The following PAH variants were observed in gnomAD, a reference collection of about 807,000 sequenced individuals.
PAH encodes the protein phenylalanine-4-hydroxylase.
Under a neutral mutation model 62.0 loss-of-function variants are expected in PAH, and 64 were observed. That is an observed-to-expected ratio of 1.03 (90% CI 0.84 to 1.27). PAH has a LOEUF of 1.27. PAH is among the 50% of genes most tolerant of loss of function. The pLI is 0.00. For missense variants in PAH, 579 were observed against 542.8 expected (o/e 1.07, Z -0.66); for synonymous variants, 195 against 196.2 (o/e 0.99, Z 0.05).
intron 4 of PAH, among the ~76,000 whole-genome samples, chr12:102,868,846 C>T (rs1222662078): frequency 6.6e-6 from 1 of 152,236 alleles, no homozygotes; most frequent in African/African-American, 2.4e-5. Context: ...CAGTCATTCT[C>T]ACTTGCCATT....
chr12:102,931,183 T>A (rs974361643), intron 1 of PAH, among the ~76,000 whole-genome samples: 3 of 152,208 alleles, frequency 2.0e-5, no homozygotes, highest in African/African-American at 7.2e-5. Context: ...ATATTCATTT[T>A]TCTATCAAAT....
intron 2 of PAH, among the ~76,000 whole-genome samples, chr12:102,903,046 T>A (rs531025105): frequency 3.9e-5 from 6 of 152,006 alleles, no homozygotes; most frequent in African/African-American, 1.4e-4. Flanking sequence ...ACCACCAAAT[T>A]GGTAAAATAT....
rs556458721 is a variant in PAH at position 102,890,911 on chromosome 12, C to T, written c.352+3824G>A. Among the ~76,000 whole-genome samples, 206 of 152,154 alleles carry T rather than the reference C, an allele frequency of 1.4e-3. 2 individuals are homozygous for T. Among genetic ancestry groups the T allele is most frequent in the Admixed American group, 3.3e-3 (51 of 15,286 alleles). ...CAGCCTGAACAACATGGCGAAACCC[C>T]GTCTCTACTAAAAATATAAAAATTA... On this transcript the variant is annotated intron_variant, in intron 3 of 12. Coordinates refer to ENST00000553106, the MANE Select transcript of PAH (RefSeq NM_000277.3).
chr12:102,925,541 T>C (rs2136742623), intron 1 of PAH, among the ~76,000 whole-genome samples: 1 of 152,196 alleles, frequency 6.6e-6, no homozygotes, highest in East Asian at 1.9e-4. Flanking sequence ...AAGATGGATT[T>C]ACTTGTCCTA....
At chr12:102,845,009 C>T (rs181647058) in intron 9 of PAH, among the ~76,000 whole-genome samples, 1 of 152,136 alleles carries the variant, frequency 6.6e-6, no homozygotes, top group Non-Finnish European at 1.5e-5. Flanking sequence ...CTTTCTCTCT[C>T]TATATATATC....
chr12:102,844,298 AC>A, intron 10 of PAH, 37 bp downstream of exon 10: 1 of 1,386,038 alleles, frequency 7.2e-7, no homozygotes, highest in Non-Finnish European at 1.0e-6. Context: ...TGTACCCACC[AC>A]TTTTAAATCT....
chr12:102,900,290 C>T (rs1877700277), intron 2 of PAH, among the ~76,000 whole-genome samples: 1 of 152,054 alleles, frequency 6.6e-6, no homozygotes, highest in African/African-American at 2.4e-5. Context: ...ACTTCGTGAT[C>T]CGCCTGCCTC....
At chr12:102,903,620 A>G (rs1305449385) in intron 2 of PAH, among the ~76,000 whole-genome samples, 2 of 152,154 alleles carry the variant, frequency 1.3e-5, no homozygotes, top group African/African-American at 2.4e-5. Flanking sequence ...TGACTAATAG[A>G]TACTGTGCCT....
intron 4 of PAH, 59 bp from the exon 5 acceptor site, chr12:102,866,722 T>C: frequency 7.4e-7 from 1 of 1,349,776 alleles, no homozygotes; most frequent in Non-Finnish European, 1.1e-6. Context: ...CTGGTACCTT[T>C]ATGAATGCTT....
chr12:102,926,506 G>C (rs540373270), intron 1 of PAH, among the ~76,000 whole-genome samples: 183 of 152,116 alleles, frequency 1.2e-3, no homozygotes, highest in African/African-American at 4.2e-3. Flanking sequence ...TTCATAGCCA[G>C]TTGTGAGCTA....
intron 2 of PAH, 103 bp downstream of exon 2, chr12:102,912,688 C>A: frequency 1.2e-6 from 1 of 847,000 alleles, no homozygotes; most frequent in Non-Finnish European, 2.0e-6. Context: ...AAATTCAAAT[C>A]TGCCTGTTCC....
At chr12:102,893,919 A>G (rs1473611150) in intron 3 of PAH, among the ~76,000 whole-genome samples, 1 of 152,238 alleles carries the variant, frequency 6.6e-6, no homozygotes, top group Non-Finnish European at 1.5e-5. Flanking sequence ...TATAGGTAAG[A>G]GAGTCTACCT....
At chr12:102,940,855 C>G (rs564145533) in intron 1 of PAH, among the ~76,000 whole-genome samples, 5 of 152,166 alleles carry the variant, frequency 3.3e-5, no homozygotes, top group Admixed American at 3.3e-4. Context: ...TGACCATCCC[C>G]AAGACACATA....
At chr12:102,949,997 C>G (rs191556124) in intron 1 of PAH, 1 of 152,312 alleles carries the variant, frequency 6.6e-6, no homozygotes, top group Non-Finnish European at 1.5e-5. Context: ...ATTTTTAGAT[C>G]TGAACAGTAT....
chr12:102,894,688 A>C (rs993110921), intron 3 of PAH, 47 bp downstream of exon 3: 6 of 1,338,584 alleles, frequency 4.5e-6, no homozygotes, highest in Non-Finnish European at 6.5e-6. Context: ...TTATTTTATG[A>C]AGACAGTGTG....
chr12:102,930,917 G>T (rs1025650932), intron 1 of PAH, among the ~76,000 whole-genome samples: 22 of 152,038 alleles, frequency 1.4e-4, no homozygotes, highest in African/African-American at 5.1e-4. Flanking sequence ...TATGTCTTAC[G>T]TATCTATGGT....
intron 2 of PAH, among the ~76,000 whole-genome samples, chr12:102,907,786 T>G (rs1440093713): frequency 6.6e-6 from 1 of 152,032 alleles, no homozygotes; most frequent in African/African-American, 2.4e-5. Context: ...GCCCAGATAA[T>G]TTTTGTATTT....
rs767307581 is a variant in PAH at position 102,877,450 on chromosome 12, C to T, written c.441+12G>A. ...CACTGAAAAAATCTCATCCTACGGG[C>T]CATGGACTCACAGGGTGGTCAGCAT... is the stretch of plus-strand genomic sequence containing the variant. On this transcript the variant is annotated intron_variant, in intron 4 of 12. Transcript: ENST00000553106. The T allele has an allele frequency of 1.2e-6, 2 of 1,602,858 alleles. No homozygotes were observed. Among genetic ancestry groups the T allele is most frequent in the Non-Finnish European group, 1.7e-6 (2 of 1,169,818 alleles).
intron 3 of PAH, among the ~76,000 whole-genome samples, chr12:102,882,604 A>G (rs2136685731): frequency 6.7e-6 from 1 of 148,440 alleles, no homozygotes; most frequent in Admixed American, 6.8e-5. Flanking sequence ...GTATACACAC[A>G]TACTATATAT....
Sources: gnomAD v4.1 joint callset for allele counts (sites outside exome capture counted in the v4.1 genomes callset) on GRCh38, gnomAD v4.1.1 for gene constraint, MANE v1.5 for transcripts, NCBI Gene and HGNC (gene_info 2026-07-23, HGNC 2026-07-21) for gene names.